The following POLN variants were observed in gnomAD, a reference collection of about 807,000 sequenced individuals.
The protein encoded by POLN is DNA polymerase nu, also known as DNA polymerase N.
Under a neutral mutation model 113.5 loss-of-function variants are expected in POLN, and 108 were observed. The observed-to-expected ratio is 0.95, with a 90% CI of 0.81 to 1.12. The LOEUF (loss-of-function observed/expected upper bound fraction) is 1.12, where lower values mean the gene tolerates loss of function less well. Ranked by LOEUF, POLN falls within the 50% of genes most tolerant of loss-of-function variation. POLN has a pLI of 0.00. For missense variants in POLN, 1,097 were observed against 1,077.1 expected (o/e 1.02, Z -0.26); for synonymous variants, 386 against 391.5 (o/e 0.99, Z 0.17).
intron 7 of POLN, among the ~76,000 whole-genome samples, chr4:2,187,491 G>A (rs1288491522): frequency 5.9e-5 from 9 of 152,034 alleles, no homozygotes; most frequent in African/African-American, 1.2e-4. Context: ...TGATCCACCC[G>A]CCTCAGTCTC....
chr4:2,164,398 G>A (rs1162881682), intron 13 of POLN, among the ~76,000 whole-genome samples: 4 of 151,704 alleles, frequency 2.6e-5, no homozygotes, highest in Admixed American at 2.0e-4. Context: ...CTACTAAGGA[G>A]GCTGAGGCAG....
intron 2 of POLN, among the ~76,000 whole-genome samples, chr4:2,233,437 A>AC (rs1553803556): frequency 0.01 from 1,567 of 151,278 alleles, 32 homozygotes; most frequent in African/African-American, 0.034. Flanking sequence ...TCTTGGATGC[A>AC]TTTTTTTTTC....
chr4:2,147,643 C>T (rs13124494), intron 16 of POLN, among the ~76,000 whole-genome samples: 853 of 79,290 alleles, frequency 0.011, 83 homozygotes, highest in Middle Eastern at 0.045. Flanking sequence ...TTTTTCTTTT[C>T]TTTTTTTTTT....
At chr4:2,232,167 A>C in intron 2 of POLN, 1 of 1,303,916 alleles carries the variant, frequency 7.7e-7, no homozygotes, top group Non-Finnish European at 1.1e-6. Context: ...ACTCCTAAAA[A>C]AGGAAAATAA....
chr4:2,079,613 G>A (rs1251686619), intron 23 of POLN: 4 of 984,886 alleles, frequency 4.1e-6, no homozygotes, highest in South Asian at 9.4e-5. Context: ...GTTAGACAGA[G>A]TCTTGCTCTC....
chr4:2,224,655 C>CA (rs1178421985), intron 3 of POLN, among the ~76,000 whole-genome samples: 1 of 152,076 alleles, frequency 6.6e-6, no homozygotes, highest in East Asian at 1.9e-4. Flanking sequence ...AGCATCACAA[C>CA]AAAAACATAA....
chr4:2,241,704 T>A lies in POLN; in HGVS notation c.-197A>T. 1 of 985,440 alleles carries A rather than the reference T, an allele frequency of 1.0e-6. No individual in the cohort carries two copies. The highest frequency in any genetic ancestry group is 4.7e-5 in the South Asian group (1 of 21,290). 61.0% of individuals were successfully genotyped at this position (985,440 alleles called of 1,614,324 possible). A position where few individuals can be genotyped will look rare whatever the true frequency, so the allele number is the denominator to read the frequency against. On this transcript the variant is annotated 5_prime_UTR_variant, in exon 2 of 26. Coordinates refer to ENST00000511885, the MANE Select transcript of POLN (RefSeq NM_181808.4). Reference sequence around the variant, plus strand: ...CAGAGGCAGCGGCAAGCCCCAGGGATCCGCGGCCCCAAGGCCGCGATACAC... The same window carrying A: ...CAGAGGCAGCGGCAAGCCCCAGGGAACCGCGGCCCCAAGGCCGCGATACAC...
At chr4:2,159,245 C>G in intron 13 of POLN, 34 bp from the exon 14 acceptor site, 1 of 1,519,916 alleles carries the variant, frequency 6.6e-7, no homozygotes, top group Non-Finnish European at 9.1e-7. Context: ...CAATGTAATT[C>G]GTCCATTTTA....
At chr4:2,077,009 T>G (rs1457837646) in intron 23 of POLN, 2 of 152,190 alleles carry the variant, frequency 1.3e-5, no homozygotes, top group Non-Finnish European at 2.9e-5. Context: ...AGGCTATTTT[T>G]TTTTTCCTTA....
intron 2 of POLN, chr4:2,234,224 T>C (rs1427074655): frequency 6.6e-6 from 1 of 152,214 alleles, no homozygotes; most frequent in African/African-American, 2.4e-5. Context: ...CTATGGTCTT[T>C]GCTGAGGGTC....
chr4:2,072,371 A>AG lies in POLN; in HGVS notation c.2518-73dup, dbSNP rs1375510705. ...CCCAGCCACCTCCCAGACCCCAAGCAGGGGGACAGGGCCTACAGCACACAG... is the reference window on the plus strand; with the variant it reads ...CCCAGCCACCTCCCAGACCCCAAGCAGGGGGGACAGGGCCTACAGCACACAG... On this transcript the variant is annotated intron_variant, in intron 25 of 25. Transcript: ENST00000511885. The AG allele has an allele frequency of 4.6e-6, 6 of 1,311,982 alleles. No homozygotes were observed. In the East Asian group the frequency reaches 1.0e-4, roughly 22 times the overall value. The allele number at this position is 1,311,982 out of a possible 1,614,324, so 81.3% of individuals were successfully genotyped here. A position where few individuals can be genotyped will look rare whatever the true frequency, so the allele number is the denominator to read the frequency against.
intron 19 of POLN, among the ~76,000 whole-genome samples, chr4:2,120,985 C>T (rs1376232051): frequency 1.3e-5 from 2 of 152,188 alleles, no homozygotes; most frequent in African/African-American, 4.8e-5. Context: ...TGCACATAGA[C>T]AATCATGTCA....
intron 3 of POLN, among the ~76,000 whole-genome samples, chr4:2,214,874 C>T (rs1261865568): frequency 6.6e-6 from 1 of 151,460 alleles, no homozygotes; most frequent in East Asian, 1.9e-4. Context: ...TATATACACA[C>T]ACACATATAC....
At chr4:2,109,098 A>T (rs1304750508) in intron 19 of POLN, among the ~76,000 whole-genome samples, 1 of 152,194 alleles carries the variant, frequency 6.6e-6, no homozygotes, top group African/African-American at 2.4e-5. Flanking sequence ...TTTTGGAAGG[A>T]ATTAGATGTG....
At chr4:2,103,226 C>T (rs1730970047) in intron 19 of POLN, among the ~76,000 whole-genome samples, 6 of 151,814 alleles carry the variant, frequency 4.0e-5, no homozygotes, top group Admixed American at 3.9e-4. Flanking sequence ...GAGAAACTTA[C>T]CAAAGAAATA....
intron 20 of POLN, among the ~76,000 whole-genome samples, chr4:2,088,234 A>G (rs1226144368): frequency 6.6e-6 from 1 of 152,220 alleles, no homozygotes; most frequent in African/African-American, 2.4e-5. Context: ...GTATTTATCT[A>G]CAGAAAAATA....
At chr4:2,096,084 T>C in intron 19 of POLN, 151 bp from the exon 20 acceptor site, 3 of 715,954 alleles carry the variant, frequency 4.2e-6, no homozygotes, top group Non-Finnish European at 4.9e-6. Context: ...AGACATTCCA[T>C]ACCTGTGGTG....
intron 13 of POLN, among the ~76,000 whole-genome samples, chr4:2,167,579 G>C (rs540844581): frequency 1.9e-4 from 29 of 152,262 alleles, no homozygotes; most frequent in South Asian, 8.3e-4. Flanking sequence ...TGCATAGACT[G>C]TGTTCTCTTA....
chr4:2,185,695 A>G (rs908767151), intron 7 of POLN, among the ~76,000 whole-genome samples: 14 of 152,042 alleles, frequency 9.2e-5, no homozygotes, highest in African/African-American at 3.1e-4. Context: ...GCAGTGAGCC[A>G]AGATTGCACC....
Sources: allele counts gnomAD v4.1 joint callset (sites outside exome capture counted in the v4.1 genomes callset), GRCh38; gene constraint gnomAD v4.1.1; transcripts MANE v1.5; gene names NCBI Gene and HGNC (gene_info 2026-07-23, HGNC 2026-07-21).